Variants in CDH1 observed in about 807,000 individuals in gnomAD.
CDH1 encodes cadherin-1.
In CDH1, 35 loss-of-function variants were observed where a neutral mutation model predicts 84.5. That is an observed-to-expected ratio of 0.41 (90% CI 0.32 to 0.55). CDH1 has a LOEUF of 0.55. Ranked by LOEUF, CDH1 falls within the 20% of genes least tolerant of loss-of-function variation. The probability of loss-of-function intolerance (pLI) is 0.19; values close to 1 mark genes in which losing one functional copy is unlikely to be tolerated. For synonymous variants in CDH1, 417 were observed against 439.0 expected (o/e 0.95, Z 0.63); for missense variants, 994 against 1,126.6 (o/e 0.88, Z 1.68).
At chr16:68,807,330 A>G (rs1175047761) in intron 3 of CDH1, among the ~76,000 whole-genome samples, 1 of 152,160 alleles carries the variant, frequency 6.6e-6, no homozygotes, top group Non-Finnish European at 1.5e-5. Flanking sequence ...CTCAAAATCT[A>G]CTTGTTTTGG....
intron 2 of CDH1, chr16:68,771,013 C>T (rs1431286428): frequency 6.6e-6 from 1 of 151,848 alleles, no homozygotes; most frequent in Non-Finnish European, 1.5e-5. Context: ...CCTTTCCCCG[C>T]CAGTGGAGGA....
intron 6 of CDH1, among the ~76,000 whole-genome samples, chr16:68,810,693 G>A (rs149285743): frequency 0.02 from 3,056 of 151,592 alleles, 112 homozygotes; most frequent in African/African-American, 0.069. Context: ...GTGAAACCTC[G>A]TCTCTATTAA....
At chr16:68,816,599 A>G (rs1196157956) in intron 10 of CDH1, among the ~76,000 whole-genome samples, 1 of 152,124 alleles carries the variant, frequency 6.6e-6, no homozygotes, top group Non-Finnish European at 1.5e-5. Flanking sequence ...AACACAAGAA[A>G]TTAGCTGGGC....
At chr16:68,740,514 A>G (rs1322628296) in intron 2 of CDH1, among the ~76,000 whole-genome samples, 2 of 152,040 alleles carry the variant, frequency 1.3e-5, no homozygotes, top group Admixed American at 6.6e-5. Flanking sequence ...AACTTGATCC[A>G]GTCTTGGAGA....
intron 2 of CDH1, among the ~76,000 whole-genome samples, chr16:68,769,834 C>G (rs553669596): frequency 1.3e-5 from 2 of 151,938 alleles, no homozygotes; most frequent in Admixed American, 6.6e-5. Context: ...TATGCCATCA[C>G]GCCTGGCTAA....
chr16:68,756,997 T>A (rs1963033061), intron 2 of CDH1, among the ~76,000 whole-genome samples: 1 of 152,152 alleles, frequency 6.6e-6, no homozygotes, highest in Non-Finnish European at 1.5e-5. Context: ...AGCGAGACGC[T>A]CTCTCAAAAA....
intron 2 of CDH1, among the ~76,000 whole-genome samples, chr16:68,774,704 GC>G (rs777014961): frequency 4.6e-5 from 7 of 152,136 alleles, no homozygotes; most frequent in Non-Finnish European, 7.4e-5. Context: ...CTCAAGCAGT[GC>G]TGGGGCCCTG....
At chr16:68,794,979 A>G (rs1341837901) in intron 2 of CDH1, among the ~76,000 whole-genome samples, 1 of 152,026 alleles carries the variant, frequency 6.6e-6, no homozygotes, top group Admixed American at 6.6e-5. Flanking sequence ...GGCGTGAGCC[A>G]CCGCACCTGG....
intron 2 of CDH1, among the ~76,000 whole-genome samples, chr16:68,766,448 A>T (rs1959389226): frequency 6.6e-6 from 1 of 152,046 alleles, no homozygotes; most frequent in Non-Finnish European, 1.5e-5. Context: ...CAGTAGCAGG[A>T]TTTCTTTCAA....
In CDH1 at chr16:68,829,805, A is replaced by G; in HGVS notation, c.2439+8A>G. On this transcript the variant is annotated splice_region_variant and intron_variant, in intron 15 of 15. Transcript: ENST00000261769. Reference sequence around the variant, plus strand: ...GGAAATTTTATTGATGAAGTAAGTAATCCACGTGGAAAGCCAAAGCATGGC... The same window carrying G: ...GGAAATTTTATTGATGAAGTAAGTAGTCCACGTGGAAAGCCAAAGCATGGC... The G allele has an allele frequency of 6.2e-7, 1 of 1,613,648 alleles. No individual in the cohort carries two copies.
intron 5 of CDH1, among the ~76,000 whole-genome samples, chr16:68,809,497 C>T (rs886476865): frequency 4.0e-5 from 6 of 151,894 alleles, no homozygotes; most frequent in Non-Finnish European, 5.9e-5. Context: ...CCACTGCACC[C>T]GGCCTACAAG....
intron 2 of CDH1, among the ~76,000 whole-genome samples, chr16:68,793,863 A>T (rs1960279119): frequency 6.6e-6 from 1 of 150,938 alleles, no homozygotes; most frequent in East Asian, 2.0e-4. Flanking sequence ...CCTGGGAGGC[A>T]GAAGTTGCAG....
Position 68,822,214 on chromosome 16 carries a change from A to G in CDH1, c.1925A>G (p.Tyr642Cys). Residue 642 changes from tyrosine to cysteine, a missense_variant, in exon 12 of 16, where the codon TAC (tyrosine) becomes TGC (cysteine). Physicochemically the swap from Tyr to Cys is radical, Grantham distance 194. Transcript: ENST00000261769. ...GCGAGTGCCAACTGGACCATTCAGT[A>G]CAACGACCCAAGTGGGTACCTGAGT... The part of the protein sequence containing the change: ...HGASANWTIQ[Y>C]NDPTQESIIL... 1 of 1,613,824 alleles carries G rather than the reference A, an allele frequency of 6.2e-7. No individual in the cohort carries two copies. Among genetic ancestry groups the G allele is most frequent in the Non-Finnish European group, 8.5e-7 (1 of 1,179,728 alleles).
chr16:68,792,942 A>G (rs1960249551), intron 2 of CDH1, among the ~76,000 whole-genome samples: 1 of 152,138 alleles, frequency 6.6e-6, no homozygotes, highest in African/African-American at 2.4e-5. Flanking sequence ...CTCAGTGAAG[A>G]CAGAGACGAT....
At chr16:68,801,957 C>T (rs1960529563) in intron 3 of CDH1, 64 bp downstream of exon 3, 3 of 1,340,930 alleles carry the variant, frequency 2.2e-6, no homozygotes, top group Admixed American at 1.7e-5. Context: ...CCAGGTTTCT[C>T]AGCCTTGGTA....
At chr16:68,750,149 G>GATTTTTTTTTTTTTTTT (rs1316469938) in intron 2 of CDH1, among the ~76,000 whole-genome samples, 1 of 13,400 alleles carries the variant, frequency 7.5e-5, no homozygotes, top group African/African-American at 2.0e-4. Flanking sequence ...CTAGAATTCA[G>GATTTTTTTTTTTTTTTT]CTTTTTTTTT....
chr16:68,749,623 T>A (rs900760830), intron 2 of CDH1, among the ~76,000 whole-genome samples: 1 of 152,200 alleles, frequency 6.6e-6, no homozygotes, highest in Non-Finnish European at 1.5e-5. Context: ...CAGTTAATCC[T>A]CCCTGTAGTC....
At chr16:68,790,802 G>A (rs1266278120) in intron 2 of CDH1, among the ~76,000 whole-genome samples, 2 of 152,142 alleles carry the variant, frequency 1.3e-5, no homozygotes, top group Non-Finnish European at 2.9e-5. Flanking sequence ...GAGCAGAGAA[G>A]CAACCCCAGC....
At chr16:68,782,198 A>G (rs761917271) in intron 2 of CDH1, among the ~76,000 whole-genome samples, 2 of 152,112 alleles carry the variant, frequency 1.3e-5, no homozygotes, top group African/African-American at 2.4e-5. Context: ...GCCAATCCTG[A>G]GGGCGTGGAC....
Sources: allele counts gnomAD v4.1 joint callset (sites outside exome capture counted in the v4.1 genomes callset), GRCh38; gene constraint gnomAD v4.1.1; transcripts MANE v1.5; gene names NCBI Gene and HGNC (gene_info 2026-07-23, HGNC 2026-07-21).